Variants in DLG2 observed in about 807,000 individuals in gnomAD.
The protein encoded by DLG2 is discs large MAGUK scaffold protein 2.
Under a neutral mutation model 132.5 loss-of-function variants are expected in DLG2, and 45 were observed. The observed-to-expected ratio is 0.34, with a 90% CI of 0.27 to 0.44. The LOEUF is 0.44. DLG2 is among the 20% of genes least tolerant of loss of function. DLG2 has a pLI of 1.00. For synonymous variants in DLG2, 424 were observed against 419.6 expected, an observed-to-expected ratio of 1.01 and a Z score of -0.13; for missense variants, 1,045 against 1,196.9, an observed-to-expected ratio of 0.87 and a Z score of 1.87.
intron 18 of DLG2, among the ~76,000 whole-genome samples, chr11:83,646,438 C>G (rs528318350): frequency 2.0e-5 from 3 of 151,906 alleles, no homozygotes; most frequent in Non-Finnish European, 4.4e-5. Flanking sequence ...GCTCTAATTT[C>G]TTCTGTTCTT....
At chr11:84,958,857 A>G (rs1377357194) in intron 6 of DLG2, among the ~76,000 whole-genome samples, 1 of 152,178 alleles carries the variant, frequency 6.6e-6, no homozygotes, top group African/African-American at 2.4e-5. Flanking sequence ...AAAGACATCT[A>G]TGTTCTCTAT....
intron 3 of DLG2, among the ~76,000 whole-genome samples, chr11:85,507,774 T>C (rs147486931): frequency 5.3e-5 from 8 of 152,298 alleles, no homozygotes. Flanking sequence ...GTCTGGGAAG[T>C]TCTCCTGGAT....
intron 15 of DLG2, among the ~76,000 whole-genome samples, chr11:83,886,092 AT>A (rs2067783611): frequency 6.6e-6 from 1 of 152,200 alleles, no homozygotes. Flanking sequence ...AAATTCACAC[AT>A]AACAATATTA....
chr11:84,427,828 A>G (rs2098971964), intron 7 of DLG2, among the ~76,000 whole-genome samples: 1 of 152,158 alleles, frequency 6.6e-6, no homozygotes, highest in African/African-American at 2.4e-5. Context: ...AATACCTCTA[A>G]CAGTACTTGT....
intron 15 of DLG2, among the ~76,000 whole-genome samples, chr11:83,894,932 TACCTA>T (rs2071129960): frequency 6.6e-6 from 1 of 151,930 alleles, no homozygotes; most frequent in Non-Finnish European, 1.5e-5. Flanking sequence ...TTTAAATAAT[TACCTA>T]CAGTTCCATC....
chr11:84,339,795 A>C (rs116672472), intron 7 of DLG2, among the ~76,000 whole-genome samples: 2,710 of 152,334 alleles, frequency 0.018, 87 homozygotes, highest in African/African-American at 0.062. Flanking sequence ...CATTGTTGCT[A>C]CATGTACTTC....
chr11:84,584,086 A>T (rs1433600692), intron 6 of DLG2, among the ~76,000 whole-genome samples: 2 of 152,142 alleles, frequency 1.3e-5, no homozygotes, highest in Non-Finnish European at 2.9e-5. Context: ...TTGCTAAGTC[A>T]TAATGTTCAG....
intron 6 of DLG2, chr11:84,545,024 G>C: frequency 6.9e-6 from 3 of 434,366 alleles, no homozygotes; most frequent in East Asian, 7.0e-5. Context: ...CTTTGTAGCA[G>C]CTAGGTGCTG....
chr11:85,610,617 C>G (rs1402027567), intron 2 of DLG2, among the ~76,000 whole-genome samples: 1 of 152,214 alleles, frequency 6.6e-6, no homozygotes, highest in African/African-American at 2.4e-5. Flanking sequence ...TCTGGCCCTT[C>G]AGTATGTGGA....
At chr11:84,000,924 C>T (rs1404286728) in intron 11 of DLG2, among the ~76,000 whole-genome samples, 1 of 151,940 alleles carries the variant, frequency 6.6e-6, no homozygotes, top group African/African-American at 2.4e-5. Context: ...GTATAAAACT[C>T]ACTGGTAAAG....
intron 4 of DLG2, among the ~76,000 whole-genome samples, chr11:85,157,348 T>C (rs2152465181): frequency 6.6e-6 from 1 of 152,084 alleles, no homozygotes; most frequent in Middle Eastern, 3.4e-3. Flanking sequence ...GTTTCTGGAG[T>C]TGGCTGCTTA....
intron 19 of DLG2, among the ~76,000 whole-genome samples, chr11:83,610,647 A>G (rs915745656): frequency 3.3e-5 from 5 of 152,206 alleles, no homozygotes; most frequent in African/African-American, 1.2e-4. Context: ...GCATCATCTC[A>G]TTTAATCCTC....
intron 8 of DLG2, among the ~76,000 whole-genome samples, chr11:84,207,059 A>ATCTCTCTCTCTC (rs35772503): frequency 6.9e-5 from 10 of 145,614 alleles, no homozygotes; most frequent in African/African-American, 2.3e-4. Context: ...ATAAGAATAA[A>ATCTCTCTCTCTC]TCTCTCTCTC....
intron 17 of DLG2, among the ~76,000 whole-genome samples, chr11:83,827,553 C>A (rs2053235152): frequency 6.6e-6 from 1 of 152,150 alleles, no homozygotes. Flanking sequence ...TTCCCAATCA[C>A]GTATCTTGAA....
intron 16 of DLG2, among the ~76,000 whole-genome samples, chr11:83,850,160 G>GTGTGTGTGTGTGTGTGTGTGTT (rs1452960432): frequency 1.6e-5 from 2 of 124,304 alleles, no homozygotes; most frequent in African/African-American, 3.6e-5. Flanking sequence ...GTGTGTGTGT[G>GTGTGTGTGTGTGTGTGTGTGTT]TTTTTTTACT....
intron 16 of DLG2, among the ~76,000 whole-genome samples, chr11:83,849,646 C>T (rs1313739133): frequency 2.6e-5 from 4 of 151,664 alleles, no homozygotes; most frequent in Non-Finnish European, 5.9e-5. Flanking sequence ...GAAAACATGG[C>T]CAGAATTATT....
At chr11:84,352,499 C>A (rs1013576593) in intron 7 of DLG2, among the ~76,000 whole-genome samples, 1 of 152,126 alleles carries the variant, frequency 6.6e-6, no homozygotes, top group Non-Finnish European at 1.5e-5. Flanking sequence ...CTTGGCTAGG[C>A]TGAACTACAT....
At chr11:84,152,409 CG>C (rs1402923832) in intron 9 of DLG2, among the ~76,000 whole-genome samples, 2 of 147,568 alleles carry the variant, frequency 1.4e-5, no homozygotes, top group African/African-American at 5.0e-5. Context: ...TTTTTTCAGA[CG>C]GAGTCTTGCA....
intron 8 of DLG2, among the ~76,000 whole-genome samples, chr11:84,187,802 T>C (rs965917262): frequency 6.0e-4 from 92 of 152,156 alleles, no homozygotes; most frequent in African/African-American, 2.1e-3. Flanking sequence ...CATTAATCAA[T>C]AGAACAGGAA....
Sources: allele counts gnomAD v4.1 joint callset (sites outside exome capture counted in the v4.1 genomes callset), GRCh38; gene constraint gnomAD v4.1.1; transcripts MANE v1.5; gene names NCBI Gene and HGNC (gene_info 2026-07-23, HGNC 2026-07-21).